Variants in GNAQ observed in about 807,000 individuals in gnomAD.
The protein encoded by GNAQ is G protein subunit alpha q, also known as guanine nucleotide-binding protein G(q) subunit alpha.
A neutral mutation model predicts 43.9 loss-of-function variants in GNAQ; 8 were observed. The ratio of observed to expected loss-of-function variants is 0.18; its 90% CI spans 0.11 to 0.33. The LOEUF (loss-of-function observed/expected upper bound fraction) is 0.33, where lower values mean the gene tolerates loss of function less well. Among genes scored for constraint, GNAQ ranks in the 10% least tolerant of loss-of-function variants. GNAQ has a pLI of 1.00. For missense variants in GNAQ, 158 were observed against 450.8 expected, an observed-to-expected ratio of 0.35 and a Z score of 5.88; for synonymous variants, 155 against 170.7, an observed-to-expected ratio of 0.91 and a Z score of 0.71.
At chr9:77,921,417 T>C (rs1390302196) in intron 2 of GNAQ, among the ~76,000 whole-genome samples, 1 of 152,224 alleles carries the variant, frequency 6.6e-6, no homozygotes, top group African/African-American at 2.4e-5. Context: ...TTGTTTGGTA[T>C]TACATCTCTT....
chr9:77,761,789 C>T (rs1324196295), intron 5 of GNAQ, among the ~76,000 whole-genome samples: 1 of 75,944 alleles, frequency 1.3e-5, no homozygotes. Context: ...TGCCCAGCTG[C>T]CCCTACTGGG....
chr9:77,794,222 C>T (rs1328530), intron 5 of GNAQ, among the ~76,000 whole-genome samples: 1 of 151,898 alleles, frequency 6.6e-6, no homozygotes, highest in Admixed American at 6.6e-5. Flanking sequence ...ATTTTCAGAA[C>T]CTCTGCATAG....
chr9:77,760,486 GAC>G (rs1393600870), intron 5 of GNAQ, among the ~76,000 whole-genome samples: 1 of 152,164 alleles, frequency 6.6e-6, no homozygotes. Flanking sequence ...CGGGATTGCA[GAC>G]AGTGTCTGGT....
rs201753475 is a variant in GNAQ at position 77,805,507 on chromosome 9, C to T, written c.477-7859G>A. Among the ~76,000 whole-genome samples the T allele has an allele frequency of 2.6e-5, 4 of 151,862 alleles. No individual in the cohort carries two copies. The South Asian group carries it at 6.2e-4, about 24-fold the overall frequency. On this transcript the variant is annotated intron_variant, in intron 3 of 6. Transcript: ENST00000286548. ...GCAACCTCTGCCTCCTGGGTTCAAG[C>T]GATTCTCCTGCCTCAGCCTCCCGAG...
rs545375482 is a variant in GNAQ, at chr9:78,013,453, T to A, written c.136+17647A>T. On this transcript the variant is annotated intron_variant, in intron 1 of 6. Transcript: ENST00000286548. Reference sequence around the variant, plus strand: ...ACATTAGGTATATCTCCTAATGCTATCCCTCCCCGCTCCCCCCACCCCACA... The same window carrying A: ...ACATTAGGTATATCTCCTAATGCTAACCCTCCCCGCTCCCCCCACCCCACA... 4.3e-4 allele frequency among the ~76,000 whole-genome samples: 66 copies of A among 152,074 alleles called. No homozygotes were observed. In the South Asian group the frequency reaches 0.013, roughly 29 times the overall value.
chr9:77,993,875 T>C (rs1823537903), intron 1 of GNAQ, among the ~76,000 whole-genome samples: 1 of 152,058 alleles, frequency 6.6e-6, no homozygotes, highest in South Asian at 2.1e-4. Flanking sequence ...AGAGCTAAAA[T>C]AGGTAATAAA....
chr9:77,918,357 T>C (rs1828945769), intron 2 of GNAQ, among the ~76,000 whole-genome samples: 1 of 152,156 alleles, frequency 6.6e-6, no homozygotes. Context: ...TTAAGCCAAA[T>C]TTCCAAAATA....
intron 1 of GNAQ, among the ~76,000 whole-genome samples, chr9:77,972,878 G>A (rs1426526284): frequency 2.6e-5 from 4 of 151,466 alleles, no homozygotes; most frequent in Admixed American, 6.6e-5. Context: ...GCTGGAACCC[G>A]GGTGGTGGAG....
chr9:77,780,829 T>C (rs1270652667), intron 5 of GNAQ, among the ~76,000 whole-genome samples: 2 of 152,090 alleles, frequency 1.3e-5, no homozygotes, highest in South Asian at 2.1e-4. Context: ...TGATACTTTA[T>C]TGTGGTTTTA....
rs142955619 is a variant in GNAQ, at chr9:77,726,015, A to AGTGTGT, written c.889+2493_889+2498dup. Among the ~76,000 whole-genome samples the AGTGTGT allele has an allele frequency of 1.9e-3, 290 of 150,748 alleles. 2 individuals carry two copies. The highest frequency in any genetic ancestry group is 5.6e-3 in the African/African-American group (231 of 41,194). On this transcript the variant is annotated intron_variant, in intron 6 of 6. Transcript: ENST00000286548. ...CCAAGAAAAATTAAGAAGAACCTCGAGTGTGTGTGTGTGTGTGGCAGGCAA... is the reference window on the plus strand; with the variant it reads ...CCAAGAAAAATTAAGAAGAACCTCGAGTGTGTGTGTGTGTGTGTGTGTGGCAGGCAA...
rs554321056 is a variant in GNAQ, at chr9:77,720,733, A to G, written c.*590T>C. On this transcript the variant is annotated 3_prime_UTR_variant, in exon 7 of 7. Coordinates refer to ENST00000286548, the MANE Select transcript of GNAQ (RefSeq NM_002072.5). ...GACAGTATATTCTATTAAAAAAGAA[A>G]CTATGTGTGTATCCAAAGCAACACA... 2.4e-4 allele frequency: 56 copies of G among 233,484 alleles called. No individual in the cohort carries two copies. The highest frequency in any genetic ancestry group is 9.9e-4 in the African/African-American group (45 of 45,466). The allele number at this position is 233,484 out of a possible 1,614,324, so 14.5% of individuals were successfully genotyped here. A position where few individuals can be genotyped will look rare whatever the true frequency, so the allele number is the denominator to read the frequency against.
At chr9:78,017,903 T>C (rs1036936920) in intron 1 of GNAQ, among the ~76,000 whole-genome samples, 5 of 152,100 alleles carry the variant, frequency 3.3e-5, no homozygotes, top group African/African-American at 1.2e-4. Context: ...AATGCAAAGT[T>C]TAGAATTATG....
intron 1 of GNAQ, among the ~76,000 whole-genome samples, chr9:78,022,617 A>T (rs920743972): frequency 1.3e-5 from 2 of 152,232 alleles, no homozygotes; most frequent in Non-Finnish European, 2.9e-5. Flanking sequence ...AATATATCAC[A>T]AGAGTTACAG....
At chr9:77,774,632 T>C (rs1400302113) in intron 5 of GNAQ, among the ~76,000 whole-genome samples, 1 of 152,098 alleles carries the variant, frequency 6.6e-6, no homozygotes, top group African/African-American at 2.4e-5. Context: ...AGCAAATTTC[T>C]TTATATTTTT....
rs1197903493 is a variant in GNAQ at position 77,721,642 on chromosome 9, T to C, written c.890-129A>G. The C allele has an allele frequency of 1.1e-5, 7 of 647,260 alleles. No homozygotes were observed. The East Asian group carries it at 1.4e-4, about 13-fold the overall frequency. The allele number at this position is 647,260 out of a possible 1,614,324, so 40.1% of individuals were successfully genotyped here. A position where few individuals can be genotyped will look rare whatever the true frequency, so the allele number is the denominator to read the frequency against. On this transcript the variant is annotated intron_variant, in intron 6 of 6. Transcript: ENST00000286548. ...TCTGCACTGCAGATTTGATCTGTTATAATCATTTTCCCTAACACTGCTATG... is the reference window on the plus strand; with the variant it reads ...TCTGCACTGCAGATTTGATCTGTTACAATCATTTTCCCTAACACTGCTATG...
chr9:77,982,606 A>C (rs1823381740), intron 1 of GNAQ, among the ~76,000 whole-genome samples: 1 of 152,146 alleles, frequency 6.6e-6, no homozygotes, highest in Non-Finnish European at 1.5e-5. Flanking sequence ...AAGCTTTTTC[A>C]GAAGTATTTA....
At chr9:77,979,628 AG>A (rs957525866) in intron 1 of GNAQ, among the ~76,000 whole-genome samples, 1 of 151,946 alleles carries the variant, frequency 6.6e-6, no homozygotes. Flanking sequence ...TGCATGCCCA[AG>A]GGGGGGGAGA....
Position 77,906,257 on chromosome 9 carries a change from T to C in GNAQ, c.321+15904A>G, listed in dbSNP as rs755921221. Among the ~76,000 whole-genome samples the C allele has an allele frequency of 7.0e-4, 106 of 152,214 alleles. 1 individual carries two copies. Among genetic ancestry groups the C allele is most frequent in the Non-Finnish European group, 1.2e-3 (85 of 68,036 alleles). Reference sequence around the variant, plus strand: ...AGGAAATTTTACAGCCAAACGTTTATGAAATGAAGTACATCATCAGTATTC... The same window carrying C: ...AGGAAATTTTACAGCCAAACGTTTACGAAATGAAGTACATCATCAGTATTC... On this transcript the variant is annotated intron_variant, in intron 2 of 6. Transcript: ENST00000286548.
In GNAQ at chr9:77,743,844, G is replaced by A. The variant is rs117366629; in HGVS notation, c.736-15177C>T. Among the ~76,000 whole-genome samples the A allele has an allele frequency of 7.9e-5, 12 of 152,256 alleles. No homozygotes were observed. In the East Asian group the frequency reaches 2.1e-3, roughly 27 times the overall value. Reference sequence around the variant, plus strand: ...AAGTGATTAAGGAACTGCTGCTCCTGGTCTAACTCTCAGCTTCCCACTGGA... The same window carrying A: ...AAGTGATTAAGGAACTGCTGCTCCTAGTCTAACTCTCAGCTTCCCACTGGA... On this transcript the variant is annotated intron_variant, in intron 5 of 6. Coordinates refer to ENST00000286548, the MANE Select transcript of GNAQ (RefSeq NM_002072.5).
Sources: allele counts gnomAD v4.1 joint callset (sites outside exome capture counted in the v4.1 genomes callset), GRCh38; gene constraint gnomAD v4.1.1; transcripts MANE v1.5; gene names NCBI Gene and HGNC (gene_info 2026-07-23, HGNC 2026-07-21).